Variants in NR6A1 observed in about 807,000 individuals in gnomAD.
The protein encoded by NR6A1 is nuclear receptor subfamily 6 group A member 1.
Under a neutral mutation model 59.1 loss-of-function variants are expected in NR6A1, and 7 were observed. That is an observed-to-expected ratio of 0.12 (90% CI 0.07 to 0.22). NR6A1 has a LOEUF of 0.22. Ranked by LOEUF, NR6A1 falls within the 10% of genes least tolerant of loss-of-function variation. NR6A1 has a pLI of 1.00. For synonymous variants in NR6A1, 243 were observed against 236.1 expected (o/e 1.03, Z -0.27); for missense variants, 468 against 611.6 (o/e 0.77, Z 2.48).
At chr9:124,675,125 T>A (rs1470729925) in intron 2 of NR6A1, among the ~76,000 whole-genome samples, 1 of 152,222 alleles carries the variant, frequency 6.6e-6, no homozygotes, top group African/African-American at 2.4e-5. Context: ...AGAAGAGGTA[T>A]CTAAAGACGC....
chr9:124,591,737 T>C (rs1835130739), intron 2 of NR6A1, among the ~76,000 whole-genome samples: 1 of 152,160 alleles, frequency 6.6e-6, no homozygotes, highest in Non-Finnish European at 1.5e-5. Flanking sequence ...TTTACATCTA[T>C]CAGGCTTTTC....
At chr9:124,646,545 T>C (rs1023961617) in intron 2 of NR6A1, among the ~76,000 whole-genome samples, 26 of 152,158 alleles carry the variant, frequency 1.7e-4, no homozygotes, top group Non-Finnish European at 2.9e-5. Flanking sequence ...GTCCACAAAT[T>C]TGATAACCTA....
rs1359160662 is a variant in NR6A1, at chr9:124,537,064, ATCTAAAT to A, written c.825-939_825-933del. On this transcript the variant is annotated intron_variant, in intron 6 of 9. Transcript: ENST00000487099. ...CCAAGACTTTTCCTCACACTCCCAC[ATCTAAAT>A]TTTTTTTTTTTTTTTTTTTGAGACG... Among the ~76,000 whole-genome samples, 81 of 145,558 alleles carry A rather than the reference ATCTAAAT, an allele frequency of 5.6e-4. 1 individual carries two copies. Among genetic ancestry groups the A allele is most frequent in the African/African-American group, 2.1e-3 (78 of 36,744 alleles).
intron 2 of NR6A1, among the ~76,000 whole-genome samples, chr9:124,674,177 T>C (rs1837883254): frequency 6.6e-6 from 1 of 152,218 alleles, no homozygotes; most frequent in Non-Finnish European, 1.5e-5. Context: ...GATATTATCA[T>C]ATTATCATCT....
chr9:124,718,127 G>C (rs1217897627), intron 2 of NR6A1, among the ~76,000 whole-genome samples: 1 of 152,214 alleles, frequency 6.6e-6, no homozygotes, highest in African/African-American at 2.4e-5. Flanking sequence ...ATGCTACTCA[G>C]CAAGAAAGCA....
At position 124,521,284 on chromosome 9, in the gene NR6A1, A is replaced by C. The variant is rs1022058686; in HGVS notation, c.*1421T>G. 6 of 152,618 alleles carry C rather than the reference A, an allele frequency of 3.9e-5. No homozygotes were observed. Among genetic ancestry groups the C allele is most frequent in the African/African-American group, 1.4e-4 (6 of 41,474 alleles). 9.5% of individuals were successfully genotyped at this position (152,618 alleles called of 1,614,324 possible). A position where few individuals can be genotyped will look rare whatever the true frequency, so the allele number is the denominator to read the frequency against. ...GGGATAAGGTGGGGCAGGTAGTGAG[A>C]GGTCAAGGAGTCCAGGCCATGTCTG... On this transcript the variant is annotated 3_prime_UTR_variant, in exon 10 of 10. Transcript: ENST00000487099.
chr9:124,686,662 C>T (rs1420309148), intron 2 of NR6A1, among the ~76,000 whole-genome samples: 1 of 151,626 alleles, frequency 6.6e-6, no homozygotes, highest in Admixed American at 6.6e-5. Flanking sequence ...CGTGAAGTCA[C>T]TGCAACAAGG....
intron 2 of NR6A1, among the ~76,000 whole-genome samples, chr9:124,573,007 T>G (rs1170982270): frequency 6.6e-6 from 1 of 152,222 alleles, no homozygotes; most frequent in Non-Finnish European, 1.5e-5. Flanking sequence ...GCAATTTACT[T>G]GTTCTGAACA....
At chr9:124,622,285 C>A (rs1399872178) in intron 2 of NR6A1, among the ~76,000 whole-genome samples, 3 of 152,228 alleles carry the variant, frequency 2.0e-5, no homozygotes, top group Non-Finnish European at 4.4e-5. Flanking sequence ...GTTTACAGAA[C>A]TGCAACAAGA....
rs538929653 is a variant in NR6A1, at chr9:124,546,195, T to C, written c.386-2338A>G. On this transcript the variant is annotated intron_variant, in intron 3 of 9. Transcript: ENST00000487099. ...TGATAGAAATCTACTATGTGTTACA[T>C]ACTGTTCTCTGAGGTAAAATCACTC... Among the ~76,000 whole-genome samples, 8 of 152,324 alleles carry C rather than the reference T, an allele frequency of 5.3e-5. 1 individual carries two copies. The South Asian group carries it at 1.7e-3, about 32-fold the overall frequency.
intron 6 of NR6A1, 81 bp downstream of exon 6, chr9:124,538,009 GTA>G: frequency 8.8e-7 from 1 of 1,135,714 alleles, no homozygotes; most frequent in Admixed American, 2.2e-5. Flanking sequence ...GAAGCCACGG[GTA>G]TAGGAGCCAG....
At chr9:124,587,556 G>A (rs1265851682) in intron 2 of NR6A1, among the ~76,000 whole-genome samples, 2 of 152,162 alleles carry the variant, frequency 1.3e-5, no homozygotes, top group Non-Finnish European at 2.9e-5. Context: ...GGTAAAAAAT[G>A]TAGTTGCCCA....
intron 4 of NR6A1, among the ~76,000 whole-genome samples, chr9:124,540,863 TACC>T (rs766592085): frequency 5.3e-5 from 8 of 152,156 alleles, no homozygotes; most frequent in Non-Finnish European, 1.0e-4. Flanking sequence ...TGAGGCTTTC[TACC>T]ACCACATTTT....
intron 2 of NR6A1, among the ~76,000 whole-genome samples, chr9:124,572,606 C>T (rs1366780289): frequency 6.6e-6 from 1 of 152,138 alleles, no homozygotes; most frequent in Non-Finnish European, 1.5e-5. Context: ...GTGGGCTTAG[C>T]TTAGTGGAGG....
chr9:124,595,508 C>T (rs997013444), intron 2 of NR6A1, among the ~76,000 whole-genome samples: 4 of 152,178 alleles, frequency 2.6e-5, no homozygotes, highest in African/African-American at 9.6e-5. Flanking sequence ...AAATTAATCC[C>T]CTTTCTTCTG....
chr9:124,575,915 C>T lies in NR6A1; in HGVS notation c.143-21345G>A, dbSNP rs549755367. Reference sequence around the variant, plus strand: ...GGACCATTACTTTACCTAAAAAGCTCCTATGAGAACCAAATAGGAATGTAT... The same window carrying T: ...GGACCATTACTTTACCTAAAAAGCTTCTATGAGAACCAAATAGGAATGTAT... On this transcript the variant is annotated intron_variant, in intron 2 of 9. Coordinates refer to ENST00000487099, the MANE Select transcript of NR6A1 (RefSeq NM_033334.4). Among the ~76,000 whole-genome samples the T allele has an allele frequency of 3.9e-5, 6 of 152,280 alleles. No homozygotes were observed. In the South Asian group the frequency reaches 1.2e-3, roughly 32 times the overall value.
chr9:124,629,218 C>G (rs1027010623), intron 2 of NR6A1, among the ~76,000 whole-genome samples: 3 of 152,092 alleles, frequency 2.0e-5, no homozygotes, highest in Admixed American at 1.3e-4. Context: ...ACCTACAGAA[C>G]GATAAGTAAT....
chr9:124,722,206 C>A (rs1405071361), intron 2 of NR6A1, among the ~76,000 whole-genome samples: 2 of 152,176 alleles, frequency 1.3e-5, no homozygotes, highest in African/African-American at 2.4e-5. Flanking sequence ...ATTACCAAGT[C>A]AAACTTAAAA....
chr9:124,756,680 A>G (rs1035636224), intron 1 of NR6A1, among the ~76,000 whole-genome samples: 1 of 152,198 alleles, frequency 6.6e-6, no homozygotes, highest in Non-Finnish European at 1.5e-5. Context: ...CAGATTTCTA[A>G]AGGAATGCAA....
Sources: gnomAD v4.1 joint callset for allele counts (sites outside exome capture counted in the v4.1 genomes callset) on GRCh38, gnomAD v4.1.1 for gene constraint, MANE v1.5 for transcripts, NCBI Gene and HGNC (gene_info 2026-07-23, HGNC 2026-07-21) for gene names.